MKLN1: variants seen among roughly 807,000 people sequenced by gnomAD.
MKLN1 encodes muskelin 1.
MKLN1 carries 18 observed loss-of-function variants against 99.0 expected under a neutral mutation model. The ratio of observed to expected loss-of-function variants is 0.18; its 90% CI spans 0.13 to 0.27. MKLN1 has a LOEUF of 0.27. Ranked by LOEUF, MKLN1 falls within the 10% of genes least tolerant of loss-of-function variation. The pLI is 1.00. For missense variants in MKLN1, 621 were observed against 875.9 expected (o/e 0.71, Z 3.67); for synonymous variants, 288 against 293.2 (o/e 0.98, Z 0.18).
Position 131,486,660 on chromosome 7 carries a change from G to A in MKLN1, c.2087-947G>A, listed in dbSNP as rs184921131. On this transcript the variant is annotated intron_variant, in intron 17 of 17. Transcript: ENST00000352689. ...GATGGCTCTGTTTCTGTTTCTCATG[G>A]CATTTAGCAGCGCTCTCATGTCTCA... Among the ~76,000 whole-genome samples the A allele has an allele frequency of 3.9e-5, 6 of 152,164 alleles. No homozygotes were observed. In the East Asian group the frequency reaches 1.2e-3, roughly 29 times the overall value.
chr7:131,495,249 T>C lies in MKLN1; in HGVS notation c.*7521T>C, dbSNP rs541934675. The stretch of plus-strand genomic sequence containing the variant: ...AACCAAAATTGGACTGAAAATTAGA[T>C]TGAGAAGAAAGATACAACTTCCTCC... On this transcript the variant is annotated 3_prime_UTR_variant, in exon 18 of 18. Transcript: ENST00000352689. The C allele has an allele frequency of 1.3e-4, 20 of 152,254 alleles. No individual in the cohort carries two copies. The highest frequency in any genetic ancestry group is 4.6e-4 in the African/African-American group (19 of 41,564). 9.4% of individuals were successfully genotyped at this position (152,254 alleles called of 1,614,324 possible). A position where few individuals can be genotyped will look rare whatever the true frequency, so the allele number is the denominator to read the frequency against.
chr7:131,316,254 G>T (rs748744898), intron 3 of MKLN1, among the ~76,000 whole-genome samples: 4 of 152,196 alleles, frequency 2.6e-5, no homozygotes, highest in Non-Finnish European at 5.9e-5. Flanking sequence ...TACAGAGGAA[G>T]GAGCAGGCAG....
At position 131,232,409 on chromosome 7, in the gene MKLN1, T is replaced by G. The variant is rs184781494; in HGVS notation, c.-179+29435T>G. ...TCTTGTAACTACACACATGAAAAAT[T>G]TATAGGATTGGTTTAGGTGAGGGGG... is the stretch of plus-strand genomic sequence containing the variant. On this transcript the variant is annotated intron_variant, in intron 3 of 7. Transcript: ENST00000416992. 4.0e-4 allele frequency among the ~76,000 whole-genome samples: 61 copies of G among 152,256 alleles called. No homozygotes were observed. In the East Asian group the frequency reaches 5.8e-3, roughly 14 times the overall value.
intron 3 of MKLN1, among the ~76,000 whole-genome samples, chr7:131,209,942 T>C (rs1232784444): frequency 1.3e-5 from 2 of 151,590 alleles, no homozygotes; most frequent in Admixed American, 1.3e-4. Flanking sequence ...TACGATAAAG[T>C]AGAAAAAAAA....
chr7:131,279,691 A>G (rs544755821), intron 3 of MKLN1, among the ~76,000 whole-genome samples: 22 of 152,268 alleles, frequency 1.4e-4, no homozygotes, highest in South Asian at 6.2e-4. Flanking sequence ...CTGTTGTCCC[A>G]GCTACTCGGG....
At chr7:131,178,594 G>A (rs562664119) in intron 2 of MKLN1, among the ~76,000 whole-genome samples, 4 of 152,236 alleles carry the variant, frequency 2.6e-5, no homozygotes, top group South Asian at 4.1e-4. Context: ...CTGTTCAATC[G>A]TTCCAGACTC....
At chr7:131,443,934 C>G (rs2116508404) in intron 11 of MKLN1, among the ~76,000 whole-genome samples, 1 of 152,260 alleles carries the variant, frequency 6.6e-6, no homozygotes, top group South Asian at 2.1e-4. Flanking sequence ...TGACTAATTT[C>G]ACTGCTTATG....
chr7:131,328,892 T>A (rs902734102), intron 1 of MKLN1, among the ~76,000 whole-genome samples: 3 of 152,188 alleles, frequency 2.0e-5, no homozygotes, highest in Non-Finnish European at 2.9e-5. Context: ...AGTATCTTAT[T>A]TATCTTTGGC....
intron 3 of MKLN1, among the ~76,000 whole-genome samples, chr7:131,264,677 C>T (rs1563271942): frequency 6.6e-6 from 1 of 151,786 alleles, no homozygotes; most frequent in East Asian, 1.9e-4. Flanking sequence ...GTTATTATTG[C>T]TTATTCGTGT....
At chr7:131,411,512 TG>T in intron 7 of MKLN1, 129 bp downstream of exon 7, 3 of 669,546 alleles carry the variant, frequency 4.5e-6, no homozygotes, top group Non-Finnish European at 5.4e-6. Flanking sequence ...CAGTGGCTCA[TG>T]TCTAATCCCA....
At chr7:131,486,630 C>T (rs1797285813) in intron 17 of MKLN1, among the ~76,000 whole-genome samples, 1 of 152,136 alleles carries the variant, frequency 6.6e-6, no homozygotes, top group South Asian at 2.1e-4. Flanking sequence ...GCATATATAA[C>T]TCTTGATGGC....
intron 2 of MKLN1, among the ~76,000 whole-genome samples, chr7:131,163,637 A>G (rs907801372): frequency 2.6e-5 from 4 of 152,328 alleles, no homozygotes; most frequent in African/African-American, 9.6e-5. Flanking sequence ...GAGGAGAGAC[A>G]AAACTGTCAA....
intron 6 of MKLN1, 21 bp downstream of exon 6, chr7:131,399,454 AT>A: frequency 5.0e-6 from 8 of 1,599,354 alleles, no homozygotes; most frequent in Non-Finnish European, 6.8e-6. Flanking sequence ...TAGATTGGTT[AT>A]TAGGGTAAAT....
chr7:131,387,904 C>T lies in MKLN1; in HGVS notation c.311+642C>T, dbSNP rs183037530. On this transcript the variant is annotated intron_variant, in intron 3 of 17. Coordinates refer to ENST00000352689, the MANE Select transcript of MKLN1 (RefSeq NM_013255.5). Reference sequence around the variant, plus strand: ...TTTGTGATGGCTGGGTGTGGTGGCTCATGCCTGTAATCCCAGAACTTTGGG... The same window carrying T: ...TTTGTGATGGCTGGGTGTGGTGGCTTATGCCTGTAATCCCAGAACTTTGGG... Among the ~76,000 whole-genome samples the T allele has an allele frequency of 4.3e-4, 66 of 152,268 alleles. 1 individual carries two copies. Among genetic ancestry groups the T allele is most frequent in the African/African-American group, 1.6e-3 (66 of 41,548 alleles).
At chr7:131,230,549 T>G (rs937973839) in intron 3 of MKLN1, among the ~76,000 whole-genome samples, 6 of 152,238 alleles carry the variant, frequency 3.9e-5, no homozygotes, top group Non-Finnish European at 8.8e-5. Flanking sequence ...ACCCCAGTTC[T>G]GGGAAGGCTT....
At chr7:131,198,806 C>A (rs1408969830) in intron 2 of MKLN1, among the ~76,000 whole-genome samples, 2 of 151,974 alleles carry the variant, frequency 1.3e-5, no homozygotes, top group Non-Finnish European at 2.9e-5. Context: ...GAAGAAGAAA[C>A]AACCTTATGT....
intron 5 of MKLN1, among the ~76,000 whole-genome samples, chr7:131,398,027 A>G (rs1410978273): frequency 6.6e-6 from 1 of 152,174 alleles, no homozygotes; most frequent in African/African-American, 2.4e-5. Flanking sequence ...TAGGTGTTTA[A>G]TGACCTTTTA....
chr7:131,117,081 T>G (rs1385720276), intron 1 of MKLN1, among the ~76,000 whole-genome samples: 1 of 151,984 alleles, frequency 6.6e-6, no homozygotes, highest in Non-Finnish European at 1.5e-5. Flanking sequence ...TGAAGCACGA[T>G]TTATAGTAGT....
intron 3 of MKLN1, chr7:131,242,656 A>G: frequency 1.7e-6 from 1 of 585,076 alleles, no homozygotes; most frequent in Non-Finnish European, 3.2e-6. Flanking sequence ...TCTGGATGCA[A>G]AGCCATCATC....
Sources: allele counts gnomAD v4.1 joint callset (sites outside exome capture counted in the v4.1 genomes callset), GRCh38; gene constraint gnomAD v4.1.1; transcripts MANE v1.5; gene names NCBI Gene and HGNC (gene_info 2026-07-23, HGNC 2026-07-21).